ADD1: variants seen among roughly 807,000 people sequenced by gnomAD.
The protein encoded by ADD1 is adducin 1.
A neutral mutation model predicts 80.5 loss-of-function variants in ADD1; 24 were observed. The observed-to-expected ratio is 0.30, with a 90% CI of 0.22 to 0.42. The LOEUF (loss-of-function observed/expected upper bound fraction) is 0.42, where lower values mean the gene tolerates loss of function less well. ADD1 is among the 10% of genes least tolerant of loss of function. The pLI, the probability that ADD1 is intolerant of heterozygous loss-of-function variation, is 1.00. For synonymous variants in ADD1, 373 were observed against 393.8 expected (o/e 0.95, Z 0.63); for missense variants, 948 against 1,019.0 (o/e 0.93, Z 0.95).
chr4:2,852,420 G>A (rs1727427203), intron 1 of ADD1, among the ~76,000 whole-genome samples: 2 of 146,302 alleles, frequency 1.4e-5, no homozygotes, highest in African/African-American at 5.1e-5. Flanking sequence ...TCCGCCTCCC[G>A]GGTTCAAGCG....
chr4:2,876,193 G>T (rs928720044), intron 2 of ADD1, 83 bp downstream of exon 2: 2 of 1,342,198 alleles, frequency 1.5e-6, no homozygotes, highest in Non-Finnish European at 2.0e-6. Flanking sequence ...TGTATGAGTG[G>T]CATAGTTCAT....
rs1560264996 is a variant in ADD1 at position 2,926,140 on chromosome 4, C to CTG, written c.2047+31_2047+32dup. On this transcript the variant is annotated intron_variant, in intron 15 of 15. Transcript: ENST00000683351. The surrounding 1 kb of genome is among the most constrained non-coding windows in gnomAD (Gnocchi z 5.0). ...GAGCTCTGGGTGGCAGCGGCCGCCA[C>CTG]TGTGGGAGGGTGCACGGCTCGTGCG... 1 of 1,595,304 alleles carries CTG rather than the reference C, an allele frequency of 6.3e-7. No homozygotes were observed. The highest frequency in any genetic ancestry group is 8.6e-7 in the Non-Finnish European group (1 of 1,163,358).
intron 14 of ADD1, among the ~76,000 whole-genome samples, chr4:2,916,405 A>G (rs534821992): frequency 1.3e-5 from 2 of 152,114 alleles, no homozygotes; most frequent in Admixed American, 1.3e-4. Context: ...CATGTTGGCC[A>G]GGACGGTCTC....
chr4:2,864,760 AG>A (rs533974142), intron 1 of ADD1, among the ~76,000 whole-genome samples: 1 of 150,922 alleles, frequency 6.6e-6, no homozygotes, highest in Non-Finnish European at 1.5e-5. Flanking sequence ...TCAGCAGGGA[AG>A]GGGGGCTTAT....
At chr4:2,889,134 A>G (rs1003965086) in intron 4 of ADD1, among the ~76,000 whole-genome samples, 1 of 152,184 alleles carries the variant, frequency 6.6e-6, no homozygotes, top group Non-Finnish European at 1.5e-5. Flanking sequence ...GGTAATTAAT[A>G]TAGTGTCCTT....
intron 9 of ADD1, chr4:2,901,754 T>C (rs1736208574): frequency 6.6e-6 from 1 of 151,770 alleles, no homozygotes; most frequent in Non-Finnish European, 1.5e-5. Flanking sequence ...CTGGGCAACA[T>C]AGCGAGATTC....
At chr4:2,862,786 G>T (rs1313581334) in intron 1 of ADD1, among the ~76,000 whole-genome samples, 2 of 152,196 alleles carry the variant, frequency 1.3e-5, no homozygotes, top group African/African-American at 4.8e-5. Context: ...TGGCTTCCCT[G>T]CAGGAATGTA....
chr4:2,877,969 A>T (rs1291280794), intron 2 of ADD1, among the ~76,000 whole-genome samples: 2 of 151,780 alleles, frequency 1.3e-5, no homozygotes, highest in African/African-American at 4.8e-5. Flanking sequence ...CCTGTCTCCA[A>T]AAAAAAAGGA....
chr4:2,919,372 T>C (rs1739616815), intron 14 of ADD1, among the ~76,000 whole-genome samples: 1 of 152,216 alleles, frequency 6.6e-6, no homozygotes, highest in Non-Finnish European at 1.5e-5. Context: ...GGAGTCCCTC[T>C]TTTTCTATTG....
chr4:2,852,258 T>TTTCCTTCC (rs1206919938), intron 1 of ADD1, among the ~76,000 whole-genome samples: 2 of 145,398 alleles, frequency 1.4e-5, no homozygotes, highest in East Asian at 2.0e-4. Context: ...TCTTTCTTTC[T>TTTCCTTCC]TTCCTTCCTT....
chr4:2,910,063 T>C (rs1442180030), intron 13 of ADD1, among the ~76,000 whole-genome samples: 1 of 145,604 alleles, frequency 6.9e-6, no homozygotes. Context: ...ATTCCCTCTG[T>C]GTGCGGGCAT....
chr4:2,884,607 G>A lies in ADD1; in HGVS notation c.451G>A (p.Ala151Thr). Residue 151 changes from alanine (A) to threonine (T), a missense_variant, in exon 4 of 16, where the codon GCG becomes ACG. Physicochemically the swap from Ala to Thr is moderately conservative, Grantham distance 58. Coordinates refer to ENST00000683351, the MANE Select transcript of ADD1 (RefSeq NM_001354761.2). ...GEKLLRCKLA[A>T]FYRLADLFGW... ...GAAGTTATTACGGTGTAAATTGGCA[G>A]CGTTTTATAGACTAGCAGATCTCTT... 6.2e-7 allele frequency: 1 copy of A among 1,613,468 alleles called. No homozygotes were observed. The highest frequency in any genetic ancestry group is 1.1e-5 in the South Asian group (1 of 90,974).
At chr4:2,894,180 C>G (rs1448264079) in intron 5 of ADD1, 87 bp downstream of exon 5, 1 of 1,107,142 alleles carries the variant, frequency 9.0e-7, no homozygotes, top group Non-Finnish European at 1.4e-6. Flanking sequence ...TATGTAAAAC[C>G]CAAGAAACAA....
chr4:2,874,443 C>G (rs547843881), intron 1 of ADD1, among the ~76,000 whole-genome samples: 5 of 151,786 alleles, frequency 3.3e-5, no homozygotes, highest in Non-Finnish European at 7.4e-5. Flanking sequence ...GCCGTCTCTA[C>G]TAAAAATACA....
intron 4 of ADD1, among the ~76,000 whole-genome samples, chr4:2,891,850 A>G (rs537995479): frequency 6.6e-6 from 1 of 152,224 alleles, no homozygotes; most frequent in Non-Finnish European, 1.5e-5. Context: ...TACAGATCAT[A>G]TAAGGGGAGA....
intron 6 of ADD1, among the ~76,000 whole-genome samples, chr4:2,896,457 C>G (rs1192486286): frequency 6.6e-6 from 1 of 152,000 alleles, no homozygotes; most frequent in African/African-American, 2.4e-5. Flanking sequence ...GATCTGCCCA[C>G]CTTGGCCTCC....
rs1208528318 is a variant in ADD1 at position 2,929,956 on chromosome 4, AACATGAAATATAGTTGCATATATGG to A, written c.*1437_*1461del. ...TTTGTAGTTTAATCCTTTGTATTAC[AACATGAAATATAGTTGCATATATGG>A]ACACCGACTTGGGAGGACAGGTCCT... On this transcript the variant is annotated 3_prime_UTR_variant, in exon 16 of 16. Coordinates refer to ENST00000683351, the MANE Select transcript of ADD1 (RefSeq NM_001354761.2). 1 of 152,670 alleles carries A rather than the reference AACATGAAATATAGTTGCATATATGG, an allele frequency of 6.6e-6. No homozygotes were observed. Among genetic ancestry groups the A allele is most frequent in the Non-Finnish European group, 1.5e-5 (1 of 68,054 alleles). The allele number at this position is 152,670 out of a possible 1,614,324, so 9.5% of individuals were successfully genotyped here.
At chr4:2,871,123 C>A (rs1018930061) in intron 1 of ADD1, among the ~76,000 whole-genome samples, 1 of 152,022 alleles carries the variant, frequency 6.6e-6, no homozygotes, top group Non-Finnish European at 1.5e-5. Context: ...TGCGCGCCAC[C>A]ACACCCGGCT....
At chr4:2,882,698 C>G (rs368335745) in intron 3 of ADD1, among the ~76,000 whole-genome samples, 1 of 152,198 alleles carries the variant, frequency 6.6e-6, no homozygotes, top group Non-Finnish European at 1.5e-5. Context: ...TACCTGTCTG[C>G]TCTGTGGTAT....
Sources: allele counts gnomAD v4.1 joint callset (sites outside exome capture counted in the v4.1 genomes callset), GRCh38; gene constraint gnomAD v4.1.1; non-coding constraint Gnocchi (gnomAD v3.1); transcripts MANE v1.5; gene names NCBI Gene and HGNC (gene_info 2026-07-23, HGNC 2026-07-21).